The following NHSL2 variants were observed in gnomAD, a reference collection of about 807,000 sequenced individuals.
NHSL2 encodes NHS like 2.
Under a neutral mutation model 53.4 loss-of-function variants are expected in NHSL2, and 27 were observed. The observed-to-expected ratio is 0.51, with a 90% CI of 0.37 to 0.70. NHSL2 has a LOEUF of 0.70. NHSL2 is among the 30% of genes least tolerant of loss of function. The pLI, the probability that NHSL2 is intolerant of heterozygous loss-of-function variation, is 0.00. For synonymous variants in NHSL2, 408 were observed against 404.1 expected (o/e 1.01, Z -0.12); for missense variants, 892 against 980.1 (o/e 0.91, Z 1.20).
Position 72,132,129 on chromosome X carries a change from T to A in NHSL2, c.331T>A (p.Ser111Thr), listed in dbSNP as rs1182905147. The A allele has an allele frequency of 8.6e-7, 1 of 1,164,512 alleles. No individual in the cohort carries two copies. The highest frequency in any genetic ancestry group is 2.6e-5 in the Admixed American group (1 of 38,521). ...ENATATAHSRSSWRQPVNVFL... is the reference protein window; with the variant it reads ...ENATATAHSRTSWRQPVNVFL... ...TGCGACAGCGACTGCCCACTCGAGG[T>A]CGTCATGGCGACAGCCAGTGAACGT... The change falls in exon 2 of 8, where the codon TCG becomes ACG. Residue 111 changes from serine to threonine, a missense_variant. Ser to Thr is a moderately conservative substitution (Grantham distance 58). Coordinates refer to ENST00000633930, the MANE Select transcript of NHSL2 (RefSeq NM_001013627.3).
intron 1 of NHSL2, among the ~76,000 whole-genome samples, chrX:71,943,274 T>G (rs769019459): frequency 8.9e-6 from 1 of 111,917 alleles, no homozygotes; most frequent in Non-Finnish European, 1.9e-5. Flanking sequence ...TGCACTGTGC[T>G]CCTTCCAACT....
intron 1 of NHSL2, among the ~76,000 whole-genome samples, chrX:71,963,538 G>A (rs1238253190): frequency 9.0e-6 from 1 of 111,059 alleles, no homozygotes; most frequent in Non-Finnish European, 1.9e-5. Context: ...ACTACATGCT[G>A]TCTCTAGGAG....
Position 72,078,969 on chromosome X carries a change from C to G in NHSL2, c.281-53110C>G, listed in dbSNP as rs552842483. Among the ~76,000 whole-genome samples the G allele has an allele frequency of 5.2e-4, 58 of 112,273 alleles. 2 individuals carry two copies. The South Asian group carries it at 0.021, about 40-fold the overall frequency. On this transcript the variant is annotated intron_variant, in intron 1 of 7. Coordinates refer to ENST00000633930, the MANE Select transcript of NHSL2 (RefSeq NM_001013627.3). Reference sequence around the variant, plus strand: ...TAGACCTCCATCTTGAGCCTTCCTTCAAGCTGTTTCCTTGTCTTTCTGTGT... The same window carrying G: ...TAGACCTCCATCTTGAGCCTTCCTTGAAGCTGTTTCCTTGTCTTTCTGTGT...
At chrX:72,052,477 G>A (rs1009093419) in intron 1 of NHSL2, among the ~76,000 whole-genome samples, 1 of 112,600 alleles carries the variant, frequency 8.9e-6, no homozygotes, top group African/African-American at 3.2e-5. Flanking sequence ...CAGGCCAACC[G>A]CCCTGGGAGT....
At chrX:72,019,655 A>T (rs192035737) in intron 1 of NHSL2, among the ~76,000 whole-genome samples, 3 of 111,869 alleles carry the variant, frequency 2.7e-5, no homozygotes, top group Admixed American at 1.9e-4. Context: ...TCTTGAAGGA[A>T]GGGTTGGGAT....
intron 1 of NHSL2, among the ~76,000 whole-genome samples, chrX:72,054,641 G>T (rs1386136449): frequency 5.4e-5 from 6 of 111,680 alleles, no homozygotes; most frequent in African/African-American, 1.6e-4. Context: ...TTGATTTTTG[G>T]TTTGTTGTGC....
At chrX:72,031,549 C>T (rs1259115598) in intron 1 of NHSL2, among the ~76,000 whole-genome samples, 1 of 111,642 alleles carries the variant, frequency 9.0e-6, no homozygotes, top group Non-Finnish European at 1.9e-5. Flanking sequence ...AAGCTTTGAA[C>T]CTCTCTAGGA....
Position 71,954,812 on chromosome X carries a change from T to A in NHSL2, c.280+43445T>A, listed in dbSNP as rs933871622. ...AAGAGGGGGACCAGGGTTACCCTAG[T>A]GTCCTTTGTTTTGTTAGGGGCCTAA... On this transcript the variant is annotated intron_variant, in intron 1 of 7. Transcript: ENST00000633930. 7.1e-5 allele frequency among the ~76,000 whole-genome samples: 8 copies of A among 112,462 alleles called. No individual in the cohort carries two copies. The Admixed American group carries it at 7.5e-4, about 11-fold the overall frequency.
chrX:72,132,272 A>T (rs2042313550), intron 2 of NHSL2, 38 bp downstream of exon 2: 29 of 1,109,931 alleles, frequency 2.6e-5, no homozygotes, highest in Non-Finnish European at 3.4e-5. Flanking sequence ...GGAGCCCAGA[A>T]GCGAGATGCG....
Position 72,110,676 on chromosome X carries a change from A to G in NHSL2, c.281-21403A>G, listed in dbSNP as rs969114586. 3.0e-5 allele frequency among the ~76,000 whole-genome samples: 3 copies of G among 98,936 alleles called. No homozygotes were observed. The Admixed American group carries it at 3.5e-4, about 12-fold the overall frequency. The allele number at this position is 98,936 out of a possible 115,157, so 85.9% of individuals were successfully genotyped here. On this transcript the variant is annotated intron_variant, in intron 1 of 7. Coordinates refer to ENST00000633930, the MANE Select transcript of NHSL2 (RefSeq NM_001013627.3). ...TTTCTGTAGGCCCTAGACTTTGGAC[A>G]GGACGCTGAACGGCTTGTCCCCTCC...
chrX:72,074,290 C>A (rs2041723356), intron 1 of NHSL2, among the ~76,000 whole-genome samples: 1 of 112,643 alleles, frequency 8.9e-6, no homozygotes, highest in African/African-American at 3.2e-5. Context: ...TTCATCTTCA[C>A]AAGTTTATTG....
chrX:71,920,426 T>C lies in NHSL2; in HGVS notation c.280+9059T>C, dbSNP rs930585133. Among the ~76,000 whole-genome samples, 3 of 110,097 alleles carry C rather than the reference T, an allele frequency of 2.7e-5. No individual in the cohort carries two copies. In the South Asian group the frequency reaches 1.2e-3, roughly 43 times the overall value. ...AGATATAGTGATGCTTAAAACAAAG[T>C]CCTCTGTAATCAGTACAACATGTTG... On this transcript the variant is annotated intron_variant, in intron 1 of 7. Transcript: ENST00000633930.
At chrX:72,006,621 C>T (rs1404658830) in intron 1 of NHSL2, among the ~76,000 whole-genome samples, 5 of 112,515 alleles carry the variant, frequency 4.4e-5, no homozygotes, top group African/African-American at 9.7e-5. Context: ...GGTGCCATCA[C>T]GGCTTACTGC....
At chrX:71,933,703 C>T in intron 1 of NHSL2, among the ~76,000 whole-genome samples, 1 of 111,277 alleles carries the variant, frequency 9.0e-6, no homozygotes, top group Non-Finnish European at 1.9e-5. Context: ...TGCCACAGTG[C>T]CTGGCACAAG....
intron 1 of NHSL2, among the ~76,000 whole-genome samples, chrX:71,994,588 C>T (rs2042041730): frequency 1.8e-5 from 2 of 111,346 alleles, no homozygotes; most frequent in Non-Finnish European, 3.8e-5. Flanking sequence ...TGCATACCTG[C>T]ACATGTACCC....
intron 1 of NHSL2, among the ~76,000 whole-genome samples, chrX:72,014,815 G>A (rs1206523455): frequency 9.1e-6 from 1 of 109,353 alleles, no homozygotes; most frequent in African/African-American, 3.3e-5. Context: ...GGGTGTTGTT[G>A]AGTTCCTATA....
chrX:72,056,552 G>GCACACA (rs60731699), intron 1 of NHSL2, among the ~76,000 whole-genome samples: 102 of 104,546 alleles, frequency 9.8e-4, no homozygotes, highest in African/African-American at 3.2e-3. Context: ...TAACGTCTGC[G>GCACACA]CACACACACA....
chrX:72,010,598 G>A (rs1455526709), intron 1 of NHSL2, among the ~76,000 whole-genome samples: 1 of 112,018 alleles, frequency 8.9e-6, no homozygotes, highest in African/African-American at 3.2e-5. Context: ...AATAAATGGT[G>A]TCACACCATA....
At chrX:72,130,027 C>G (rs772908130) in intron 1 of NHSL2, 1 of 1,211,343 alleles carries the variant, frequency 8.3e-7, no homozygotes, top group Non-Finnish European at 1.1e-6. Context: ...GTTCCTCCGT[C>G]TGCTAGGCTG....
Sources: gnomAD v4.1 joint callset for allele counts (sites outside exome capture counted in the v4.1 genomes callset) on GRCh38, gnomAD v4.1.1 for gene constraint, MANE v1.5 for transcripts, NCBI Gene and HGNC (gene_info 2026-07-23, HGNC 2026-07-21) for gene names.